USF2: variants seen among roughly 807,000 people sequenced by gnomAD.
The protein encoded by USF2 is upstream stimulatory factor 2.
In USF2, 16 loss-of-function variants were observed where a neutral mutation model predicts 46.9. That is an observed-to-expected ratio of 0.34 (90% CI 0.23 to 0.52). The LOEUF is 0.52. Among genes scored for constraint, USF2 ranks in the 20% least tolerant of loss-of-function variants. The pLI is 0.96. For synonymous variants in USF2, 239 were observed against 194.1 expected, an observed-to-expected ratio of 1.23 and a Z score of -1.92; for missense variants, 411 against 474.0, an observed-to-expected ratio of 0.87 and a Z score of 1.23.
At chr19:35,272,823 A>G (rs2066176497) in intron 7 of USF2, among the ~76,000 whole-genome samples, 1 of 151,914 alleles carries the variant, frequency 6.6e-6, no homozygotes, top group Non-Finnish European at 1.5e-5. Flanking sequence ...CTTGGAAGGG[A>G]AGGGGTGCAT....
chr19:35,277,536 G>C (rs1178353458), intron 7 of USF2: 1 of 152,228 alleles, frequency 6.6e-6, no homozygotes, highest in Non-Finnish European at 1.5e-5. Flanking sequence ...GGGGTGTGAG[G>C]GTAACGGGCA....
rs1014868247 is a variant in USF2 at position 35,279,037 on chromosome 19, A to C, written c.914A>C (p.Glu305Ala). The C allele has an allele frequency of 5.0e-6, 8 of 1,595,542 alleles. No homozygotes were observed. Among genetic ancestry groups the C allele is most frequent in the Non-Finnish European group, 6.8e-6 (8 of 1,170,496 alleles). Residue 305 changes from glutamate to alanine, a missense_variant, in exon 9 of 10, where the codon GAG becomes GCG. Coordinates refer to ENST00000222305, the MANE Select transcript of USF2 (RefSeq NM_003367.4). Reference sequence around the variant, plus strand: ...ATGCAGGAGACCTTCAAAGAGGCCGAGCGGCTGCAGATGGACAACGAGCTC... The same window carrying C: ...ATGCAGGAGACCTTCAAAGAGGCCGCGCGGCTGCAGATGGACAACGAGCTC... ...QRMQETFKEA[E>A]RLQMDNELLR... is the part of the protein sequence containing the mutation.
chr19:35,275,322 C>G (rs1165146724), intron 7 of USF2: 1 of 152,174 alleles, frequency 6.6e-6, no homozygotes, highest in African/African-American at 2.4e-5. Flanking sequence ...GCTGGGATTA[C>G]AGGAGTGAGC....
chr19:35,269,505 C>G lies in USF2; in HGVS notation c.109+13C>G, dbSNP rs768770060. 3 of 1,544,422 alleles carry G rather than the reference C, an allele frequency of 1.9e-6. No homozygotes were observed. The highest frequency in any genetic ancestry group is 1.7e-6 in the Non-Finnish European group (2 of 1,150,442). ...GAGCTGCAGGAAGGTGAGTGCTTGC[C>G]GGGCCGGCCGCGCCCGGGGAGGGCT... On this transcript the variant is annotated intron_variant, in intron 2 of 9. Transcript: ENST00000222305.
At chr19:35,274,457 C>T (rs910122948) in intron 7 of USF2, among the ~76,000 whole-genome samples, 3 of 152,284 alleles carry the variant, frequency 2.0e-5, no homozygotes, top group African/African-American at 7.2e-5. Context: ...ACTCAAATGC[C>T]TGCAGGGGCC....
chr19:35,271,918 A>G (rs1422049717), intron 7 of USF2, among the ~76,000 whole-genome samples: 1 of 151,886 alleles, frequency 6.6e-6, no homozygotes, highest in Non-Finnish European at 1.5e-5. Flanking sequence ...GGCTGGGGTG[A>G]CGCTTCCCTA....
chr19:35,279,518 G>A lies in USF2; in HGVS notation c.*262G>A. 3 of 457,806 alleles carry A rather than the reference G, an allele frequency of 6.6e-6. No homozygotes were observed. The highest frequency in any genetic ancestry group is 4.1e-5 in the Admixed American group (1 of 24,460). 28.4% of individuals were successfully genotyped at this position (457,806 alleles called of 1,614,324 possible). A position where few individuals can be genotyped will look rare whatever the true frequency, so the allele number is the denominator to read the frequency against. On this transcript the variant is annotated 3_prime_UTR_variant, in exon 10 of 10. Coordinates refer to ENST00000222305, the MANE Select transcript of USF2 (RefSeq NM_003367.4). Reference sequence around the variant, plus strand: ...CCCTCACTAAGCCCCGGCACTTCTAGTGGTCTCACCTGGAGGCAAGAGGGA... The same window carrying A: ...CCCTCACTAAGCCCCGGCACTTCTAATGGTCTCACCTGGAGGCAAGAGGGA...
rs1014214907 is a variant in USF2, at chr19:35,278,681, G to C, written c.728-17G>C. The stretch of plus-strand genomic sequence containing the variant: ...GATCCGTCAGCGAAGCCGTGGCTGT[G>C]ACTCTGTTTTCCGCAGTGGAGCGGA... On this transcript the variant is annotated splice_polypyrimidine_tract_variant and intron_variant, in intron 7 of 9. Transcript: ENST00000222305. 5 of 1,613,836 alleles carry C rather than the reference G, an allele frequency of 3.1e-6. No homozygotes were observed. The highest frequency in any genetic ancestry group is 3.4e-6 in the Non-Finnish European group (4 of 1,179,872).
chr19:35,275,608 T>C (rs187870148), intron 7 of USF2, among the ~76,000 whole-genome samples: 1 of 152,348 alleles, frequency 6.6e-6, no homozygotes, highest in Non-Finnish European at 1.5e-5. Context: ...GTTTTTGTTA[T>C]CATTCAGTTT....
At chr19:35,276,907 C>T (rs1220794733) in intron 7 of USF2, 2 of 152,396 alleles carry the variant, frequency 1.3e-5, no homozygotes, top group African/African-American at 4.8e-5. Flanking sequence ...GGACCCCAGC[C>T]TGGCGGAGGG....
intron 7 of USF2, among the ~76,000 whole-genome samples, chr19:35,272,096 A>G (rs575403100): frequency 6.6e-6 from 1 of 152,260 alleles, no homozygotes; most frequent in Admixed American, 6.5e-5. Context: ...TCTGTGGCCC[A>G]GGTAGTTGTG....
At chr19:35,278,595 G>A in intron 7 of USF2, 103 bp from the exon 8 acceptor site, 2 of 1,210,508 alleles carry the variant, frequency 1.7e-6, no homozygotes. Context: ...GGTGGGGCCT[G>A]CACTGTTCCT....
Position 35,279,228 on chromosome 19 carries a change from A to G in USF2, c.1013A>G (p.Glu338Gly), listed in dbSNP as rs2066277504. ...GCCCAGCTGCAGCAGCACAACCTGGAGATGGTGGGCGAGGGCACCCGGCAG... is the reference window on the plus strand; with the variant it reads ...GCCCAGCTGCAGCAGCACAACCTGGGGATGGTGGGCGAGGGCACCCGGCAG... ...LRAQLQQHNL[E>G]MVGEGTRQ Residue 338 changes from glutamate (E) to glycine (G), a missense_variant, in exon 10 of 10, where the codon GAG becomes GGG. Coordinates refer to ENST00000222305, the MANE Select transcript of USF2 (RefSeq NM_003367.4). 6.4e-7 allele frequency: 1 copy of G among 1,571,756 alleles called. No individual in the cohort carries two copies. The highest frequency in any genetic ancestry group is 8.6e-7 in the Non-Finnish European group (1 of 1,158,558).
At position 35,269,643 on chromosome 19, in the gene USF2, G is replaced by A; in HGVS notation, c.172G>A (p.Ala58Thr). The A allele has an allele frequency of 6.3e-7, 1 of 1,575,564 alleles. No individual in the cohort carries two copies. Among genetic ancestry groups the A allele is most frequent in the Non-Finnish European group, 8.6e-7 (1 of 1,159,190 alleles). ...GGCCATCACCAGCGTCCAGCAGGCGGCGTTCGGCGACCACAACATCCAGTA... is the reference window on the plus strand; with the variant it reads ...GGCCATCACCAGCGTCCAGCAGGCGACGTTCGGCGACCACAACATCCAGTA... ...AVAITSVQQA[A>T]FGDHNIQYQF... The change falls in exon 3 of 10, where the codon GCG becomes ACG. Residue 58 changes from alanine to threonine, a missense_variant. Coordinates refer to ENST00000222305, the MANE Select transcript of USF2 (RefSeq NM_003367.4).
intron 1 of USF2, 110 bp from the exon 2 acceptor site, chr19:35,269,335 GC>G (rs2066104930): frequency 1.0e-6 from 1 of 954,080 alleles, no homozygotes; most frequent in Non-Finnish European, 1.3e-6. Flanking sequence ...CCTCGGCGGC[GC>G]CCCCGGCCTC....
At chr19:35,276,003 T>A (rs1471570614) in intron 7 of USF2, 2 of 151,948 alleles carry the variant, frequency 1.3e-5, no homozygotes, top group African/African-American at 4.8e-5. Context: ...TCCATGTCTC[T>A]CACTATATTT....
intron 7 of USF2, 56 bp from the exon 8 acceptor site, chr19:35,278,642 G>T: frequency 6.3e-7 from 1 of 1,578,094 alleles, no homozygotes; most frequent in South Asian, 1.1e-5. Context: ...CTGTGAGGAC[G>T]GCCGCTCAGG....
intron 7 of USF2, 166 bp from the exon 8 acceptor site, chr19:35,278,532 G>C: frequency 2.9e-6 from 2 of 681,388 alleles, no homozygotes; most frequent in Admixed American, 4.9e-5. Context: ...AAGCTGGGGT[G>C]GGGGCCGGCT....
Position 35,279,289 on chromosome 19 carries a change from A to G in USF2, c.*33A>G. 6.8e-7 allele frequency: 1 copy of G among 1,472,728 alleles called. No homozygotes were observed. The highest frequency in any genetic ancestry group is 2.5e-5 in the East Asian group (1 of 40,044). 91.2% of individuals were successfully genotyped at this position (1,472,728 alleles called of 1,614,324 possible). ...CACCACCACGCAGCCGCCGCCGCCC[A>G]CGCCGGCCTCTGCTGCCCCCTTCCC... On this transcript the variant is annotated 3_prime_UTR_variant, in exon 10 of 10. Transcript: ENST00000222305.
Sources: allele counts gnomAD v4.1 joint callset (sites outside exome capture counted in the v4.1 genomes callset), GRCh38; gene constraint gnomAD v4.1.1; transcripts MANE v1.5; gene names NCBI Gene and HGNC (gene_info 2026-07-23, HGNC 2026-07-21).